SOX5: variants seen among roughly 807,000 people sequenced by gnomAD.
The protein encoded by SOX5 is SRY-box transcription factor 5, also known as transcription factor SOX-5.
SOX5 carries 9 observed loss-of-function variants against 92.0 expected under a neutral mutation model. The ratio of observed to expected loss-of-function variants is 0.10; its 90% confidence interval spans 0.06 to 0.17. The LOEUF (loss-of-function observed/expected upper bound fraction) is 0.17. Ranked by LOEUF, SOX5 falls within the 10% of genes least tolerant of loss-of-function variation. SOX5 has a pLI of 1.00. For missense variants in SOX5, 642 were observed against 944.5 expected, an observed-to-expected ratio of 0.68 and a Z score of 4.20; for synonymous variants, 344 against 336.3, an observed-to-expected ratio of 1.02 and a Z score of -0.25.
rs530166800 is a variant in SOX5, at chr12:23,905,394, G to A, written c.39-9370C>T. On this transcript the variant is annotated intron_variant, in intron 1 of 14. Coordinates refer to ENST00000451604, the MANE Select transcript of SOX5 (RefSeq NM_006940.6). ...ATTAGGCTTTGTCTTATTGGCTGGA[G>A]ACACCCAGAAAATGTTCTAGTAAGA... 1.2e-3 allele frequency among the ~76,000 whole-genome samples: 178 copies of A among 152,238 alleles called. 1 individual carries two copies. The highest frequency in any genetic ancestry group is 3.6e-3 in the African/African-American group (149 of 41,550).
chr12:24,263,541 C>CAAAAAAAA (rs528065569), intron 3 of SOX5, among the ~76,000 whole-genome samples: 1 of 112,032 alleles, frequency 8.9e-6, no homozygotes, highest in South Asian at 3.0e-4. Context: ...AAAAAAAAAA[C>CAAAAAAAA]AAAAAAAAAA....
At chr12:23,808,432 C>T (rs2095819174) in intron 3 of SOX5, among the ~76,000 whole-genome samples, 1 of 152,052 alleles carries the variant, frequency 6.6e-6, no homozygotes, top group South Asian at 2.1e-4. Context: ...TTATTAGCAT[C>T]ACTGAAGATG....
At chr12:24,381,885 C>T (rs1194460027) in intron 1 of SOX5, among the ~76,000 whole-genome samples, 1 of 152,108 alleles carries the variant, frequency 6.6e-6, no homozygotes, top group East Asian at 1.9e-4. Flanking sequence ...GACTTTAACC[C>T]CAAAGCTTCC....
At chr12:23,927,735 C>T (rs925385194) in intron 1 of SOX5, among the ~76,000 whole-genome samples, 5 of 151,864 alleles carry the variant, frequency 3.3e-5, no homozygotes, top group Non-Finnish European at 5.9e-5. Context: ...GATAGTACTT[C>T]GGCTTGATTG....
At chr12:23,946,599 T>G (rs975805893) in intron 1 of SOX5, among the ~76,000 whole-genome samples, 7 of 152,026 alleles carry the variant, frequency 4.6e-5, no homozygotes, top group African/African-American at 1.4e-4. Flanking sequence ...CATTATCTAC[T>G]TTCAGTTAAA....
intron 3 of SOX5, among the ~76,000 whole-genome samples, chr12:24,243,060 CT>C (rs1937798536): frequency 6.6e-6 from 1 of 151,936 alleles, no homozygotes; most frequent in African/African-American, 2.4e-5. Flanking sequence ...AAGTGTTTAT[CT>C]CTGGGAAAAA....
chr12:23,830,435 G>A (rs2096296909), intron 3 of SOX5, among the ~76,000 whole-genome samples: 1 of 152,092 alleles, frequency 6.6e-6, no homozygotes, highest in African/African-American at 2.4e-5. Context: ...ACAGCAGCGG[G>A]AGTGTGAGGA....
Position 23,534,170 on chromosome 12 carries a change from AGTTAGG to A in SOX5, c.*43_*48del, listed in dbSNP as rs774858415. The A allele has an allele frequency of 6.7e-7, 1 of 1,501,688 alleles. No homozygotes were observed. The highest frequency in any genetic ancestry group is 9.2e-7 in the Non-Finnish European group (1 of 1,088,760). 93.0% of individuals were successfully genotyped at this position (1,501,688 alleles called of 1,614,324 possible). Reference sequence around the variant, plus strand: ...GCTTGGCCACTGGTAAGGATGAACCAGTTAGGGCTTCTTTAAGTCCTAAGGTCACAA... The same window carrying A: ...GCTTGGCCACTGGTAAGGATGAACCAGCTTCTTTAAGTCCTAAGGTCACAA... On this transcript the variant is annotated 3_prime_UTR_variant, in exon 15 of 15. Coordinates refer to ENST00000451604, the MANE Select transcript of SOX5 (RefSeq NM_006940.6).
chr12:24,391,240 CAT>C (rs1471665027), intron 1 of SOX5, among the ~76,000 whole-genome samples: 1 of 152,122 alleles, frequency 6.6e-6, no homozygotes, highest in Non-Finnish European at 1.5e-5. Context: ...AACGTTTCTT[CAT>C]GTCCTTTACC....
chr12:24,502,250 T>C (rs1211825105), intron 1 of SOX5, among the ~76,000 whole-genome samples: 3 of 152,106 alleles, frequency 2.0e-5, no homozygotes, highest in African/African-American at 4.8e-5. Flanking sequence ...ATTCCAACAA[T>C]GGGTCAGGGA....
intron 3 of SOX5, among the ~76,000 whole-genome samples, chr12:23,818,422 A>T (rs930016657): frequency 6.6e-6 from 1 of 152,220 alleles, no homozygotes; most frequent in Non-Finnish European, 1.5e-5. Flanking sequence ...AAAGATAAAA[A>T]GTGATACACA....
intron 4 of SOX5, among the ~76,000 whole-genome samples, chr12:24,135,359 T>C (rs535962369): frequency 4.6e-5 from 7 of 152,266 alleles, no homozygotes; most frequent in Admixed American, 1.3e-4. Context: ...CTCTCCTAAC[T>C]CTTGTCATAG....
intron 4 of SOX5, chr12:24,212,359 T>C (rs560684025): frequency 1.1e-5 from 6 of 528,284 alleles, no homozygotes; most frequent in African/African-American, 5.8e-5. Context: ...TGAAGAGATC[T>C]GATCACACTG....
intron 3 of SOX5, among the ~76,000 whole-genome samples, chr12:23,807,516 C>T (rs1216851495): frequency 2.0e-5 from 3 of 152,120 alleles, no homozygotes; most frequent in Non-Finnish European, 4.4e-5. Context: ...CAAGGCTTGA[C>T]AGTTATTACC....
At chr12:23,872,154 C>T (rs532693209) in intron 2 of SOX5, among the ~76,000 whole-genome samples, 362 of 125,322 alleles carry the variant, frequency 2.9e-3, no homozygotes, top group Admixed American at 5.0e-3. Context: ...CCCGCCACCA[C>T]GCCCGGCTAA....
intron 4 of SOX5, among the ~76,000 whole-genome samples, chr12:24,178,561 G>A (rs1565597415): frequency 1.3e-5 from 2 of 152,154 alleles, no homozygotes; most frequent in South Asian, 4.1e-4. Context: ...GACAGTTACT[G>A]ATGTTTAAAG....
chr12:23,816,959 C>A (rs1395708062), intron 3 of SOX5, among the ~76,000 whole-genome samples: 1 of 152,170 alleles, frequency 6.6e-6, no homozygotes, highest in East Asian at 1.9e-4. Flanking sequence ...TCTTTCCCCT[C>A]ATGCAGAAAT....
intron 3 of SOX5, among the ~76,000 whole-genome samples, chr12:23,813,358 AACT>A (rs2095913837): frequency 6.6e-6 from 1 of 152,118 alleles, no homozygotes; most frequent in Admixed American, 6.6e-5. Flanking sequence ...CCACGCACAT[AACT>A]AAACCAGCAG....
Position 23,530,989 on chromosome 12 carries a change from A to C in SOX5, c.*3230T>G. 1 of 152,126 alleles carries C rather than the reference A, an allele frequency of 6.6e-6. No homozygotes were observed. Among genetic ancestry groups the C allele is most frequent in the East Asian group, 1.9e-4 (1 of 5,186 alleles). 9.4% of individuals were successfully genotyped at this position (152,126 alleles called of 1,614,324 possible). On this transcript the variant is annotated 3_prime_UTR_variant, in exon 15 of 15. Transcript: ENST00000451604. ...TGGTCATTATGGGGCACAGAAAAAG[A>C]ATACAGGGTTTTAGGATCCTTTACC...
Sources: allele counts gnomAD v4.1 joint callset (sites outside exome capture counted in the v4.1 genomes callset), GRCh38; gene constraint gnomAD v4.1.1; transcripts MANE v1.5; gene names NCBI Gene and HGNC (gene_info 2026-07-23, HGNC 2026-07-21).